The following SHISA6 variants were observed in gnomAD, a reference collection of about 807,000 sequenced individuals.
SHISA6 encodes the protein protein shisa-6.
SHISA6 carries 22 observed loss-of-function variants against 47.9 expected under a neutral mutation model. The observed-to-expected ratio is 0.46, with a 90% CI of 0.33 to 0.66. The LOEUF (loss-of-function observed/expected upper bound fraction) is 0.66, where lower values mean the gene tolerates loss of function less well. Among genes scored for constraint, SHISA6 ranks in the 30% least tolerant of loss-of-function variants. SHISA6 has a pLI of 0.02. For synonymous variants in SHISA6, 388 were observed against 337.8 expected (o/e 1.15, Z -1.63); for missense variants, 680 against 764.6 (o/e 0.89, Z 1.30).
intron 2 of SHISA6, among the ~76,000 whole-genome samples, chr17:11,344,137 C>T (rs895059629): frequency 3.9e-5 from 6 of 152,054 alleles, no homozygotes; most frequent in Non-Finnish European, 7.4e-5. Flanking sequence ...TTTGGAGAAA[C>T]GTCTATTTAA....
intron 2 of SHISA6, among the ~76,000 whole-genome samples, chr17:11,311,228 G>A (rs895314372): frequency 1.4e-5 from 2 of 142,868 alleles, no homozygotes; most frequent in Non-Finnish European, 3.0e-5. Context: ...GTTGCAGTGA[G>A]CCAATATCGC....
intron 2 of SHISA6, among the ~76,000 whole-genome samples, chr17:11,319,772 T>G (rs905855796): frequency 2.0e-5 from 3 of 152,248 alleles, no homozygotes; most frequent in Non-Finnish European, 4.4e-5. Context: ...TAACATGAAG[T>G]GAGAACCACA....
At chr17:11,320,266 CAAAT>C (rs1005487873) in intron 2 of SHISA6, among the ~76,000 whole-genome samples, 2 of 152,080 alleles carry the variant, frequency 1.3e-5, no homozygotes, top group Admixed American at 1.3e-4. Flanking sequence ...AATTAAGTGA[CAAAT>C]AAGCTGTTTC....
intron 2 of SHISA6, among the ~76,000 whole-genome samples, chr17:11,268,102 G>A (rs1283403543): frequency 2.0e-5 from 3 of 152,146 alleles, no homozygotes; most frequent in African/African-American, 7.2e-5. Context: ...ATGAGATCAT[G>A]TGCTGAGGTT....
intron 3 of SHISA6, among the ~76,000 whole-genome samples, chr17:11,496,489 C>T (rs368598937): frequency 2.1e-4 from 32 of 152,260 alleles, no homozygotes; most frequent in African/African-American, 7.2e-4. Context: ...CCTGTAATCC[C>T]AACACTTTGG....
chr17:11,545,619 T>C (rs1306306881), intron 3 of SHISA6, among the ~76,000 whole-genome samples: 1 of 152,196 alleles, frequency 6.6e-6, no homozygotes, highest in Non-Finnish European at 1.5e-5. Flanking sequence ...AATGGTACAA[T>C]AAAGACAACA....
At chr17:11,518,678 T>G (rs1213837236) in intron 3 of SHISA6, among the ~76,000 whole-genome samples, 3 of 152,154 alleles carry the variant, frequency 2.0e-5, no homozygotes, top group Non-Finnish European at 4.4e-5. Flanking sequence ...TTTTTAAAAC[T>G]ACAGATGCCC....
At chr17:11,259,838 G>A (rs1213031197) in intron 1 of SHISA6, among the ~76,000 whole-genome samples, 1 of 152,224 alleles carries the variant, frequency 6.6e-6, no homozygotes, top group East Asian at 1.9e-4. Context: ...GAAGTGAAAT[G>A]TATGTAAGAG....
intron 3 of SHISA6, among the ~76,000 whole-genome samples, chr17:11,534,201 T>C (rs894857454): frequency 8.0e-5 from 12 of 150,642 alleles, no homozygotes; most frequent in Admixed American, 2.0e-4. Context: ...AGACAGGTTT[T>C]CACCATGTTG....
At chr17:11,242,095 C>T in intron 1 of SHISA6, 35 bp downstream of exon 1, 3 of 1,547,592 alleles carry the variant, frequency 1.9e-6, no homozygotes, top group Non-Finnish European at 1.7e-6. Flanking sequence ...CCCGGTCTCC[C>T]CGCGGCCTCA....
rs144075127 is a variant in SHISA6 at position 11,286,191 on chromosome 17, C to G, written c.799+22665C>G. Among the ~76,000 whole-genome samples the G allele has an allele frequency of 2.6e-5, 4 of 152,180 alleles. No individual in the cohort carries two copies. The East Asian group carries it at 7.7e-4, about 29-fold the overall frequency. On this transcript the variant is annotated intron_variant, in intron 2 of 5. Transcript: ENST00000441885. ...CCTTGTTTTTCAGAGTGGCCTCACCCCTGCCCATCTAACATCTACCCCACA... is the reference window on the plus strand; with the variant it reads ...CCTTGTTTTTCAGAGTGGCCTCACCGCTGCCCATCTAACATCTACCCCACA...
At chr17:11,497,067 G>A (rs2071415336) in intron 3 of SHISA6, among the ~76,000 whole-genome samples, 1 of 152,198 alleles carries the variant, frequency 6.6e-6, no homozygotes, top group African/African-American at 2.4e-5. Context: ...TGTAGTGGGG[G>A]GACCCCCAGA....
chr17:11,271,601 C>CTTTTTTTTTTTTTTT (rs770845288), intron 2 of SHISA6, among the ~76,000 whole-genome samples: 1 of 99,738 alleles, frequency 1.0e-5, no homozygotes, highest in African/African-American at 4.5e-5. Context: ...CCACGCCTGG[C>CTTTTTTTTTTTTTTT]TTTTTTTTTT....
Position 11,558,611 on chromosome 17 carries a change from C to A in SHISA6, c.*307C>A. The A allele has an allele frequency of 2.4e-6, 1 of 409,596 alleles. No individual in the cohort carries two copies. Among genetic ancestry groups the A allele is most frequent in the Non-Finnish European group, 4.5e-6 (1 of 224,214 alleles). 25.4% of individuals were successfully genotyped at this position (409,596 alleles called of 1,614,324 possible). ...ACCTTCACCAACTCCCTTTCCGTCC[C>A]GCGCCTCCTTCTCCCCATCCGGGGG... On this transcript the variant is annotated 3_prime_UTR_variant, in exon 6 of 6. Transcript: ENST00000441885.
intron 2 of SHISA6, among the ~76,000 whole-genome samples, chr17:11,354,045 G>A (rs775305338): frequency 2.6e-5 from 4 of 152,102 alleles, no homozygotes; most frequent in African/African-American, 9.7e-5. Context: ...TGCATTTTCA[G>A]ATGTTTATCA....
intron 3 of SHISA6, among the ~76,000 whole-genome samples, chr17:11,412,819 G>A (rs1453388750): frequency 1.3e-5 from 2 of 152,186 alleles, no homozygotes; most frequent in Non-Finnish European, 2.9e-5. Flanking sequence ...GGGCCCGGGT[G>A]TGGCCTTTCT....
intron 3 of SHISA6, among the ~76,000 whole-genome samples, chr17:11,458,108 T>C (rs1329774131): frequency 1.3e-5 from 2 of 148,914 alleles, no homozygotes; most frequent in South Asian, 2.1e-4. Context: ...AAAAATAGAA[T>C]GCCTGAAAAA....
At chr17:11,373,224 G>A (rs1314242653) in intron 2 of SHISA6, among the ~76,000 whole-genome samples, 2 of 151,224 alleles carry the variant, frequency 1.3e-5, no homozygotes, top group African/African-American at 4.9e-5. Context: ...GTGACTCGTG[G>A]GTATTTTAGT....
At chr17:11,281,474 A>G (rs971904006) in intron 2 of SHISA6, among the ~76,000 whole-genome samples, 5 of 152,186 alleles carry the variant, frequency 3.3e-5, no homozygotes, top group Non-Finnish European at 7.4e-5. Flanking sequence ...CAAATGTTAA[A>G]CTAACCTTGC....
Sources: gnomAD v4.1 joint callset for allele counts (sites outside exome capture counted in the v4.1 genomes callset) on GRCh38, gnomAD v4.1.1 for gene constraint, MANE v1.5 for transcripts, NCBI Gene and HGNC (gene_info 2026-07-23, HGNC 2026-07-21) for gene names.